Variants in CYP2C19 observed in about 807,000 individuals in gnomAD.
CYP2C19 encodes cytochrome P450 family 2 subfamily C member 19.
Under a neutral mutation model 40.9 loss-of-function variants are expected in CYP2C19, and 59 were observed. The observed-to-expected ratio is 1.44, with a 90% CI of 1.17 to 1.79. The LOEUF is 1.79. Ranked by LOEUF, CYP2C19 falls within the 40% of genes most tolerant of loss-of-function variation. The probability of loss-of-function intolerance (pLI) is 0.00; values close to 1 mark genes in which losing one functional copy is unlikely to be tolerated. For missense variants in CYP2C19, 754 were observed against 596.9 expected (o/e 1.26, Z -2.74); for synonymous variants, 253 against 208.7 (o/e 1.21, Z -1.83).
chr10:94,826,828 A>G (rs1410522851), intron 6 of CYP2C19, among the ~76,000 whole-genome samples: 7 of 152,102 alleles, frequency 4.6e-5, no homozygotes, highest in Non-Finnish European at 1.0e-4. Flanking sequence ...TTTGAAATAC[A>G]TCCCATCAAT....
At chr10:94,838,874 C>T (rs1450121869) in intron 6 of CYP2C19, among the ~76,000 whole-genome samples, 1 of 152,092 alleles carries the variant, frequency 6.6e-6, no homozygotes, top group African/African-American at 2.4e-5. Flanking sequence ...CCTCAGGAGG[C>T]CAGGTTTCTC....
In CYP2C19 at chr10:94,849,420, G is replaced by A. The variant is rs559216547; in HGVS notation, c.1150-497G>A. 3.1e-3 allele frequency among the ~76,000 whole-genome samples: 441 copies of A among 144,200 alleles called. 4 individuals carry two copies. The highest frequency in any genetic ancestry group is 6.9e-3 in the Middle Eastern group (2 of 290). 94.6% of individuals were successfully genotyped at this position (144,200 alleles called of 152,430 possible). A position where few individuals can be genotyped will look rare whatever the true frequency, so the allele number is the denominator to read the frequency against. The stretch of plus-strand genomic sequence containing the variant: ...CATTTTAAATTAGCTGGTCAGAAGA[G>A]TACAAAGAGAAAAAAAAAGAAAAGA... On this transcript the variant is annotated intron_variant, in intron 7 of 8. Coordinates refer to ENST00000371321, the MANE Select transcript of CYP2C19 (RefSeq NM_000769.4).
At chr10:94,836,970 A>G (rs1027338592) in intron 6 of CYP2C19, among the ~76,000 whole-genome samples, 1 of 152,182 alleles carries the variant, frequency 6.6e-6, no homozygotes, top group African/African-American at 2.4e-5. Flanking sequence ...AAAACAGTCC[A>G]GGTGAGTTGA....
intron 5 of CYP2C19, among the ~76,000 whole-genome samples, chr10:94,815,661 G>C (rs930077125): frequency 6.6e-6 from 1 of 152,018 alleles, no homozygotes; most frequent in Non-Finnish European, 1.5e-5. Flanking sequence ...TCTTCACTTT[G>C]TATATTTTTA....
At chr10:94,802,370 C>T (rs1848778266) in intron 5 of CYP2C19, among the ~76,000 whole-genome samples, 1 of 152,104 alleles carries the variant, frequency 6.6e-6, no homozygotes, top group Non-Finnish European at 1.5e-5. Context: ...ATATTTGTTG[C>T]TTAATGTCTG....
intron 5 of CYP2C19, among the ~76,000 whole-genome samples, chr10:94,799,087 T>C (rs1848729438): frequency 6.6e-6 from 1 of 152,040 alleles, no homozygotes; most frequent in Admixed American, 6.6e-5. Context: ...ATGCAGTTTT[T>C]TTCATAGCAT....
chr10:94,829,095 C>A (rs1004255037), intron 6 of CYP2C19, among the ~76,000 whole-genome samples: 1 of 152,170 alleles, frequency 6.6e-6, no homozygotes, highest in African/African-American at 2.4e-5. Flanking sequence ...CTGCCCTTAA[C>A]ATTTTTTCCT....
intron 7 of CYP2C19, 60 bp downstream of exon 7, chr10:94,843,084 TGATTCTTACCCTCTAC>T (rs1849521065): frequency 6.3e-7 from 1 of 1,590,596 alleles, no homozygotes. Flanking sequence ...ATTCACAGTA[TGATTCTTACCCTCTAC>T]CATCACTGGG....
chr10:94,764,863 T>C (rs959778618), intron 1 of CYP2C19, among the ~76,000 whole-genome samples: 1 of 152,154 alleles, frequency 6.6e-6, no homozygotes, highest in Admixed American at 6.5e-5. Context: ...GGAGAAGCCA[T>C]GTTGCCTAAC....
chr10:94,820,847 G>A (rs1849108230), intron 6 of CYP2C19, among the ~76,000 whole-genome samples: 1 of 152,184 alleles, frequency 6.6e-6, no homozygotes, highest in Non-Finnish European at 1.5e-5. Flanking sequence ...CCCTTTGGGA[G>A]GCCTAGGTGG....
chr10:94,829,880 A>G (rs1849298878), intron 6 of CYP2C19, among the ~76,000 whole-genome samples: 1 of 151,872 alleles, frequency 6.6e-6, no homozygotes, highest in African/African-American at 2.4e-5. Context: ...AACAGACAGG[A>G]CCCTCAGCTG....
chr10:94,846,713 G>A (rs1013087365), intron 7 of CYP2C19, among the ~76,000 whole-genome samples: 3 of 151,370 alleles, frequency 2.0e-5, no homozygotes, highest in Non-Finnish European at 4.4e-5. Context: ...TATACTTTAA[G>A]TTTTAGGGTA....
At chr10:94,779,031 C>T (rs1416002720) in intron 3 of CYP2C19, among the ~76,000 whole-genome samples, 1 of 152,060 alleles carries the variant, frequency 6.6e-6, no homozygotes, top group African/African-American at 2.4e-5. Context: ...CCAAACACTG[C>T]ATGTTCTCAC....
At chr10:94,830,702 A>G (rs1849320159) in intron 6 of CYP2C19, among the ~76,000 whole-genome samples, 1 of 152,074 alleles carries the variant, frequency 6.6e-6, no homozygotes, top group Non-Finnish European at 1.5e-5. Context: ...ATTTTTATTT[A>G]TATTACTTAT....
At chr10:94,821,996 G>A (rs973596328) in intron 6 of CYP2C19, among the ~76,000 whole-genome samples, 20 of 152,038 alleles carry the variant, frequency 1.3e-4, no homozygotes, top group African/African-American at 4.1e-4. Context: ...TTAGGTTCAT[G>A]TGTATTCAAT....
At chr10:94,808,385 G>C (rs991845030) in intron 5 of CYP2C19, among the ~76,000 whole-genome samples, 3 of 152,098 alleles carry the variant, frequency 2.0e-5, no homozygotes, top group African/African-American at 7.2e-5. Flanking sequence ...TCACATTATG[G>C]AAGATGGTTT....
At chr10:94,771,468 T>A (rs981681662) in intron 1 of CYP2C19, among the ~76,000 whole-genome samples, 1 of 152,158 alleles carries the variant, frequency 6.6e-6, no homozygotes, top group Non-Finnish European at 1.5e-5. Context: ...AATGGTCAAG[T>A]TGCAGGATAG....
intron 5 of CYP2C19, among the ~76,000 whole-genome samples, chr10:94,798,910 T>G (rs748890251): frequency 1.3e-4 from 20 of 149,086 alleles, no homozygotes; most frequent in Non-Finnish European, 2.8e-4. Context: ...GCATGTGAGA[T>G]GCATCTCCTG....
chr10:94,812,934 G>A (rs1462905572), intron 5 of CYP2C19, among the ~76,000 whole-genome samples: 1 of 151,830 alleles, frequency 6.6e-6, no homozygotes, highest in Non-Finnish European at 1.5e-5. Flanking sequence ...CTTTGGAGGA[G>A]AAGAGATGTT....
Sources: allele counts gnomAD v4.1 joint callset (sites outside exome capture counted in the v4.1 genomes callset), GRCh38; gene constraint gnomAD v4.1.1; transcripts MANE v1.5; gene names NCBI Gene and HGNC (gene_info 2026-07-23, HGNC 2026-07-21).